The following STARD13 variants were observed in gnomAD, a reference collection of about 807,000 sequenced individuals.
The protein encoded by STARD13 is StAR related lipid transfer domain containing 13.
A neutral mutation model predicts 106.4 loss-of-function variants in STARD13; 62 were observed. That is an observed-to-expected ratio of 0.58 (90% CI 0.48 to 0.72). The LOEUF (loss-of-function observed/expected upper bound fraction) is 0.72, where lower values mean the gene tolerates loss of function less well. Among genes scored for constraint, STARD13 ranks in the 30% least tolerant of loss-of-function variants. STARD13 has a pLI of 0.00. For synonymous variants in STARD13, 565 were observed against 553.0 expected, an observed-to-expected ratio of 1.02 and a Z score of -0.31; for missense variants, 1,387 against 1,424.0, an observed-to-expected ratio of 0.97 and a Z score of 0.42.
At chr13:33,125,940 A>T in intron 7 of STARD13, 141 bp downstream of exon 7, 1 of 829,862 alleles carries the variant, frequency 1.2e-6, no homozygotes, top group Non-Finnish European at 1.9e-6. Context: ...AAATATTGCT[A>T]CATAAAGGTC....
intron 3 of STARD13, among the ~76,000 whole-genome samples, chr13:33,152,679 C>T (rs2138287792): frequency 6.6e-6 from 1 of 152,344 alleles, no homozygotes; most frequent in Admixed American, 6.5e-5. Flanking sequence ...AGCCCACATA[C>T]CTCCTCCGAT....
the STARD13 span, among the ~76,000 whole-genome samples, chr13:33,505,854 G>A: frequency 6.6e-6 from 1 of 152,110 alleles, no homozygotes; most frequent in African/African-American, 2.4e-5. Flanking sequence ...TCAAAGTGTG[G>A]TCTGCAGAGT....
At chr13:33,401,945 A>G in the STARD13 span, among the ~76,000 whole-genome samples, 3 of 152,128 alleles carry the variant, frequency 2.0e-5, no homozygotes, top group Non-Finnish European at 4.4e-5. Context: ...TGTCTTTCCC[A>G]TCTTTATGAC....
chr13:33,193,651 G>T (rs777552416), intron 1 of STARD13, among the ~76,000 whole-genome samples: 3 of 152,156 alleles, frequency 2.0e-5, no homozygotes, highest in South Asian at 4.1e-4. Flanking sequence ...GAAGCCCAAT[G>T]CCTCCCACCT....
At chr13:33,476,871 C>T in the STARD13 span, among the ~76,000 whole-genome samples, 1 of 152,210 alleles carries the variant, frequency 6.6e-6, no homozygotes, top group Non-Finnish European at 1.5e-5. Flanking sequence ...AAATCTTGAA[C>T]ATTGACTCCA....
chr13:33,106,793 C>T lies in STARD13; in HGVS notation c.3189G>A (p.Lys1063=), dbSNP rs964695138. The T allele has an allele frequency of 1.5e-5, 24 of 1,613,902 alleles. No individual in the cohort carries two copies. Among genetic ancestry groups the T allele is most frequent in the Non-Finnish European group, 2.0e-5 (24 of 1,179,866 alleles). ...QYLIEPCGSG[K]SRLTHICRID... Reference sequence around the variant, plus strand: ...TCCTGCAGATGTGAGTCAGTCTTGACTTGCCAGAGCCACACGGTTCTATCA... The same window carrying T: ...TCCTGCAGATGTGAGTCAGTCTTGATTTGCCAGAGCCACACGGTTCTATCA... The change falls in exon 13 of 14, where the codon AAG becomes AAA. Residue 1063 remains lysine, a synonymous_variant. Transcript: ENST00000336934.
chr13:33,450,936 G>T, the STARD13 span, among the ~76,000 whole-genome samples: 4 of 152,192 alleles, frequency 2.6e-5, no homozygotes, highest in Non-Finnish European at 2.9e-5. Flanking sequence ...AGGCTGGAGT[G>T]CAGTGGTGCA....
chr13:33,231,603 A>G (rs1888925646), intron 1 of STARD13, among the ~76,000 whole-genome samples: 1 of 152,100 alleles, frequency 6.6e-6, no homozygotes, highest in South Asian at 2.1e-4. Flanking sequence ...AACTTGTGGC[A>G]TGCGTTCACA....
the STARD13 span, among the ~76,000 whole-genome samples, chr13:33,444,094 G>A: frequency 2.0e-5 from 3 of 152,086 alleles, no homozygotes; most frequent in African/African-American, 7.2e-5. Context: ...ACTGATGTCA[G>A]TATAGTTAGA....
At chr13:33,499,556 T>G in the STARD13 span, among the ~76,000 whole-genome samples, 2 of 59,496 alleles carry the variant, frequency 3.4e-5, no homozygotes, top group African/African-American at 1.2e-4. Flanking sequence ...CTTCTTCTTC[T>G]TCTTCTTCTT....
the STARD13 span, among the ~76,000 whole-genome samples, chr13:33,643,563 C>T: frequency 2.6e-5 from 4 of 152,332 alleles, no homozygotes; most frequent in South Asian, 2.1e-4. Context: ...AGTTTGTTCA[C>T]GAGACACAAT....
At position 33,167,585 on chromosome 13, in the gene STARD13, A is replaced by G. The variant is rs145045223; in HGVS notation, c.207T>C (p.Ala69=). 1.2e-5 allele frequency: 19 copies of G among 1,614,110 alleles called. No individual in the cohort carries two copies. In the African/African-American group the frequency reaches 2.0e-4, roughly 17 times the overall value. The change falls in exon 2 of 14, where the codon GCT becomes GCC. Residue 69 remains alanine (A), a synonymous_variant. Transcript: ENST00000336934. ...EAKEACDWLR[A]AGFPQYAQLY... Reference sequence around the variant, plus strand: ...ACTGAGCGTATTGCGGGAACCCGGCAGCACGGAGCCAGTCACATGCTTCTT... The same window carrying G: ...ACTGAGCGTATTGCGGGAACCCGGCGGCACGGAGCCAGTCACATGCTTCTT...
chr13:33,651,408 G>A, the STARD13 span, among the ~76,000 whole-genome samples: 674 of 152,208 alleles, frequency 4.4e-3, 3 homozygotes, highest in African/African-American at 5.5e-3. Context: ...ATAAACTAGC[G>A]TGATCATCAT....
At chr13:33,481,659 G>A in the STARD13 span, among the ~76,000 whole-genome samples, 5 of 152,270 alleles carry the variant, frequency 3.3e-5, no homozygotes, top group Admixed American at 3.3e-4. Flanking sequence ...GGTGGAAAGA[G>A]AGAAGTAGTC....
At chr13:33,500,377 G>A in the STARD13 span, among the ~76,000 whole-genome samples, 1 of 152,106 alleles carries the variant, frequency 6.6e-6, no homozygotes. Context: ...TTGAAATAAT[G>A]CTAAGGATTA....
At chr13:33,294,608 T>A (rs1476852856) in intron 1 of STARD13, among the ~76,000 whole-genome samples, 3 of 152,240 alleles carry the variant, frequency 2.0e-5, no homozygotes, top group Non-Finnish European at 2.9e-5. Context: ...AAATTTACTA[T>A]CTGGTATTTT....
chr13:33,241,420 T>G (rs1467419060), intron 1 of STARD13, among the ~76,000 whole-genome samples: 1 of 152,230 alleles, frequency 6.6e-6, no homozygotes, highest in East Asian at 1.9e-4. Context: ...TTTATTAATG[T>G]TAAACTACAA....
At chr13:33,120,079 A>G (rs983548761) in intron 7 of STARD13, among the ~76,000 whole-genome samples, 6 of 152,256 alleles carry the variant, frequency 3.9e-5, no homozygotes, top group African/African-American at 1.4e-4. Flanking sequence ...GAGAGTTCTC[A>G]TAATCGAGAT....
At chr13:33,123,381 C>A (rs1475427796) in intron 7 of STARD13, among the ~76,000 whole-genome samples, 1 of 152,176 alleles carries the variant, frequency 6.6e-6, no homozygotes, top group Non-Finnish European at 1.5e-5. Context: ...TCCATTTCCT[C>A]TTCTTTAGAA....
Sources: allele counts gnomAD v4.1 joint callset (sites outside exome capture counted in the v4.1 genomes callset), GRCh38; gene constraint gnomAD v4.1.1; transcripts MANE v1.5; gene names NCBI Gene and HGNC (gene_info 2026-07-23, HGNC 2026-07-21).